TPST1: variants seen among roughly 807,000 people sequenced by gnomAD.
TPST1 encodes the protein tyrosylprotein sulfotransferase 1.
A neutral mutation model predicts 34.8 loss-of-function variants in TPST1; 20 were observed. That is an observed-to-expected ratio of 0.57 (90% confidence interval 0.40 to 0.84). The LOEUF is 0.84. TPST1 is among the 40% of genes least tolerant of loss of function. The probability of loss-of-function intolerance (pLI) is 0.00; values close to 1 mark genes in which losing one functional copy is unlikely to be tolerated. For missense variants in TPST1, 353 were observed against 455.5 expected, an observed-to-expected ratio of 0.78 and a Z score of 2.05; for synonymous variants, 152 against 159.4, an observed-to-expected ratio of 0.95 and a Z score of 0.35.
At chr7:66,316,000 C>T (rs1791625118) in intron 3 of TPST1, among the ~76,000 whole-genome samples, 1 of 151,898 alleles carries the variant, frequency 6.6e-6, no homozygotes, top group Non-Finnish European at 1.5e-5. Context: ...ATCCCAGCTA[C>T]TCGGGAGGCT....
chr7:66,249,698 A>G (rs570500068), intron 2 of TPST1, among the ~76,000 whole-genome samples: 1 of 152,286 alleles, frequency 6.6e-6, no homozygotes, highest in African/African-American at 2.4e-5. Flanking sequence ...GTGGACTCAG[A>G]CTTTCTTGCC....
At chr7:66,325,646 A>AT (rs1791849977) in intron 3 of TPST1, among the ~76,000 whole-genome samples, 1 of 151,230 alleles carries the variant, frequency 6.6e-6, no homozygotes, top group Non-Finnish European at 1.5e-5. Flanking sequence ...ATTTTATTTT[A>AT]TTTTTTTAAG....
intron 2 of TPST1, among the ~76,000 whole-genome samples, chr7:66,247,283 C>G (rs1380486057): frequency 6.6e-6 from 1 of 152,100 alleles, no homozygotes; most frequent in Non-Finnish European, 1.5e-5. Context: ...CAAAAATTAG[C>G]CAGGGGTGGT....
At chr7:66,318,014 C>G (rs1451848079) in intron 3 of TPST1, among the ~76,000 whole-genome samples, 1 of 152,044 alleles carries the variant, frequency 6.6e-6, no homozygotes, top group Non-Finnish European at 1.5e-5. Context: ...TAAAAATTAG[C>G]CAGGCGGGGT....
At chr7:66,349,573 A>AAACAAC (rs374373195) in intron 3 of TPST1, among the ~76,000 whole-genome samples, 6 of 152,064 alleles carry the variant, frequency 3.9e-5, no homozygotes, top group South Asian at 2.1e-4. Context: ...CTCCGTCTCA[A>AAACAAC]AACAACAACA....
chr7:66,237,867 C>T (rs754229705), intron 1 of TPST1, among the ~76,000 whole-genome samples: 30 of 152,020 alleles, frequency 2.0e-4, no homozygotes, highest in Non-Finnish European at 1.5e-4. Context: ...AACTGAGGGT[C>T]GGGTTGCTGT....
chr7:66,348,514 A>G (rs565565131), intron 3 of TPST1, among the ~76,000 whole-genome samples: 1 of 152,330 alleles, frequency 6.6e-6, no homozygotes, highest in East Asian at 1.9e-4. Flanking sequence ...TTGCCCTTCA[A>G]ATCAGAAGCT....
At chr7:66,348,007 A>T (rs1792390457) in intron 3 of TPST1, among the ~76,000 whole-genome samples, 2 of 152,186 alleles carry the variant, frequency 1.3e-5, no homozygotes, top group Admixed American at 1.3e-4. Flanking sequence ...TGAAATATTT[A>T]AAGTATTGAA....
At chr7:66,353,325 C>T (rs917469387) in intron 4 of TPST1, among the ~76,000 whole-genome samples, 2 of 151,866 alleles carry the variant, frequency 1.3e-5, no homozygotes, top group Non-Finnish European at 2.9e-5. Flanking sequence ...AAAAAATTAG[C>T]TAGGCATGGT....
chr7:66,266,015 A>G (rs1790585270), intron 2 of TPST1, among the ~76,000 whole-genome samples: 1 of 152,244 alleles, frequency 6.6e-6, no homozygotes, highest in Non-Finnish European at 1.5e-5. Flanking sequence ...GCTGAAATCA[A>G]GATGCACTAG....
chr7:66,275,235 G>T lies in TPST1; in HGVS notation c.846-11276G>T, dbSNP rs1790783465. Among the ~76,000 whole-genome samples, 4 of 152,116 alleles carry T rather than the reference G, an allele frequency of 2.6e-5. No homozygotes were observed. The South Asian group carries it at 8.3e-4, about 32-fold the overall frequency. ...AAAATAAAAAAAGATAACAAGTGTT[G>T]GCAAAGATGTGGAGAAAAGGGAGAC... On this transcript the variant is annotated intron_variant, in intron 2 of 5. Coordinates refer to ENST00000304842, the MANE Select transcript of TPST1 (RefSeq NM_003596.4).
In TPST1 at chr7:66,286,815, A is replaced by ATTTTGGTTTT. The variant is rs55778801; in HGVS notation, c.1044+107_1044+108insTTTGGTTTTT. 17 of 338,976 alleles carry ATTTTGGTTTT rather than the reference A, an allele frequency of 5.0e-5. 1 individual carries two copies. The highest frequency in any genetic ancestry group is 6.1e-5 in the Non-Finnish European group (15 of 247,512). 21.0% of individuals were successfully genotyped at this position (338,976 alleles called of 1,614,324 possible). The stretch of plus-strand genomic sequence containing the variant: ...CTTGCTATTTAATGATCAGAAAAAT[A>ATTTTGGTTTT]TATTTTTTTTTTTTTTCATTTATTT... On this transcript the variant is annotated intron_variant, in intron 3 of 5. Coordinates refer to ENST00000304842, the MANE Select transcript of TPST1 (RefSeq NM_003596.4).
the TPST1 span, among the ~76,000 whole-genome samples, chr7:66,199,155 CG>C: frequency 3.9e-5 from 6 of 152,196 alleles, no homozygotes; most frequent in African/African-American, 1.4e-4. Context: ...TCCTGGCTCC[CG>C]TGCCCTGCTG....
chr7:66,298,582 C>G (rs1791249255), intron 3 of TPST1, among the ~76,000 whole-genome samples: 1 of 152,120 alleles, frequency 6.6e-6, no homozygotes, highest in African/African-American at 2.4e-5. Context: ...GAGAGTTAAT[C>G]CACTTACATT....
chr7:66,210,991 GCACA>G (rs138084521), intron 1 of TPST1, among the ~76,000 whole-genome samples: 9 of 149,946 alleles, frequency 6.0e-5, no homozygotes, highest in African/African-American at 2.0e-4. Flanking sequence ...ACACGCGCGC[GCACA>G]CACACACACA....
At chr7:66,236,601 C>T (rs1299836921) in intron 1 of TPST1, among the ~76,000 whole-genome samples, 1 of 152,102 alleles carries the variant, frequency 6.6e-6, no homozygotes, top group African/African-American at 2.4e-5. Context: ...TGTCTCATGT[C>T]TCCCTAAAAT....
chr7:66,283,217 C>T (rs779778847), intron 2 of TPST1, among the ~76,000 whole-genome samples: 2 of 152,058 alleles, frequency 1.3e-5, no homozygotes, highest in East Asian at 1.9e-4. Context: ...GCTGAGATTG[C>T]GTCACTGCAC....
chr7:66,278,784 C>A (rs1290132968), intron 2 of TPST1, among the ~76,000 whole-genome samples: 2 of 148,432 alleles, frequency 1.3e-5, no homozygotes, highest in African/African-American at 2.5e-5. Flanking sequence ...GGTGGCAGAA[C>A]GAGATTCCGT....
At chr7:66,338,929 T>C (rs910738292) in intron 3 of TPST1, among the ~76,000 whole-genome samples, 4 of 152,110 alleles carry the variant, frequency 2.6e-5, no homozygotes, top group Non-Finnish European at 5.9e-5. Flanking sequence ...AATTTTTTGT[T>C]CTTTTTTTCT....
Sources: gnomAD v4.1 joint callset for allele counts (sites outside exome capture counted in the v4.1 genomes callset) on GRCh38, gnomAD v4.1.1 for gene constraint, MANE v1.5 for transcripts, NCBI Gene and HGNC (gene_info 2026-07-23, HGNC 2026-07-21) for gene names.